Variants in GALNTL6 observed in about 807,000 individuals in gnomAD.
GALNTL6 encodes the protein polypeptide N-acetylgalactosaminyltransferase like 6.
GALNTL6 carries 46 observed loss-of-function variants against 73.7 expected under a neutral mutation model. The ratio of observed to expected loss-of-function variants is 0.62; its 90% confidence interval spans 0.49 to 0.80. The LOEUF (loss-of-function observed/expected upper bound fraction) is 0.80, where lower values mean the gene tolerates loss of function less well. Ranked by LOEUF, GALNTL6 falls within the 30% of genes least tolerant of loss-of-function variation. The pLI is 0.00. For synonymous variants in GALNTL6, 259 were observed against 263.7 expected, an observed-to-expected ratio of 0.98 and a Z score of 0.17; for missense variants, 604 against 755.0, an observed-to-expected ratio of 0.80 and a Z score of 2.34.
rs764141127 is a variant in GALNTL6, at chr4:172,229,586, C to T, written c.139-70C>T. 1.2e-5 allele frequency: 10 copies of T among 841,134 alleles called. 1 individual carries two copies. Among genetic ancestry groups the T allele is most frequent in the South Asian group, 3.0e-5 (2 of 66,176 alleles). 52.1% of individuals were successfully genotyped at this position (841,134 alleles called of 1,614,324 possible). On this transcript the variant is annotated intron_variant, in intron 2 of 12. Coordinates refer to ENST00000506823, the MANE Select transcript of GALNTL6 (RefSeq NM_001034845.3). ...ATTCTTTGATTGCCTATTATGTGCC[C>T]GGCTGTGTTTACCTACCATGCAAAA...
chr4:172,091,176 A>C (rs1278611070), intron 2 of GALNTL6, among the ~76,000 whole-genome samples: 1 of 152,162 alleles, frequency 6.6e-6, no homozygotes, highest in Non-Finnish European at 1.5e-5. Flanking sequence ...ATTATTAATA[A>C]GACAAATTTA....
chr4:172,416,966 G>T (rs1226155544), intron 5 of GALNTL6, among the ~76,000 whole-genome samples: 2 of 152,002 alleles, frequency 1.3e-5, no homozygotes, highest in Non-Finnish European at 2.9e-5. Flanking sequence ...TCAGTCCATG[G>T]TTTATAAGCT....
intron 5 of GALNTL6, among the ~76,000 whole-genome samples, chr4:172,703,624 C>T (rs925532776): frequency 6.6e-6 from 1 of 151,874 alleles, no homozygotes; most frequent in Non-Finnish European, 1.5e-5. Context: ...TTGCATCTAT[C>T]TTTATCAGGG....
At chr4:172,558,217 T>C (rs1378831233) in intron 5 of GALNTL6, among the ~76,000 whole-genome samples, 1 of 152,070 alleles carries the variant, frequency 6.6e-6, no homozygotes, top group African/African-American at 2.4e-5. Flanking sequence ...TGGGCAAGTG[T>C]GAAAAATGAC....
intron 8 of GALNTL6, among the ~76,000 whole-genome samples, chr4:172,910,287 T>G (rs1030779535): frequency 6.6e-6 from 1 of 152,224 alleles, no homozygotes; most frequent in African/African-American, 2.4e-5. Context: ...CTCTACCTTA[T>G]GAAATTGAGT....
At chr4:172,752,190 A>G (rs1175858582) in intron 5 of GALNTL6, among the ~76,000 whole-genome samples, 2 of 152,116 alleles carry the variant, frequency 1.3e-5, no homozygotes, top group African/African-American at 4.8e-5. Context: ...AAAAAGTAAT[A>G]TATATTAATT....
chr4:172,891,849 A>G (rs187907445), intron 8 of GALNTL6, among the ~76,000 whole-genome samples: 2 of 151,288 alleles, frequency 1.3e-5, no homozygotes, highest in African/African-American at 4.9e-5. Context: ...ATTCTTTTTT[A>G]TTTTTGTCTG....
intron 2 of GALNTL6, among the ~76,000 whole-genome samples, chr4:172,225,662 G>A (rs76197378): frequency 7.2e-5 from 11 of 152,140 alleles, no homozygotes; most frequent in East Asian, 1.9e-4. Flanking sequence ...TGGCTGAGGC[G>A]TGAGAATTGC....
At chr4:171,959,696 A>G (rs1739164137) in intron 2 of GALNTL6, among the ~76,000 whole-genome samples, 1 of 152,120 alleles carries the variant, frequency 6.6e-6, no homozygotes, top group Non-Finnish European at 1.5e-5. Flanking sequence ...AGAAAGAGAA[A>G]TCTGTTTATG....
intron 5 of GALNTL6, among the ~76,000 whole-genome samples, chr4:172,735,790 T>G (rs2111402658): frequency 6.6e-6 from 1 of 152,250 alleles, no homozygotes; most frequent in South Asian, 2.1e-4. Context: ...TATTTCAACA[T>G]AGGTACTTTT....
intron 2 of GALNTL6, among the ~76,000 whole-genome samples, chr4:172,155,512 A>T (rs1734227665): frequency 6.6e-6 from 1 of 152,242 alleles, no homozygotes; most frequent in Admixed American, 6.5e-5. Flanking sequence ...TTGTTATAGT[A>T]ACTTGAAAAG....
At chr4:171,960,695 A>G (rs1383479505) in intron 2 of GALNTL6, among the ~76,000 whole-genome samples, 2 of 95,316 alleles carry the variant, frequency 2.1e-5, no homozygotes, top group Admixed American at 1.0e-4. Context: ...ATTTAAAAAA[A>G]AAAAAAAAAA....
chr4:172,726,823 C>G (rs1230314769), intron 5 of GALNTL6, among the ~76,000 whole-genome samples: 1 of 152,112 alleles, frequency 6.6e-6, no homozygotes, highest in Non-Finnish European at 1.5e-5. Context: ...ATGTTTCTTA[C>G]CTGGTGTATG....
At chr4:172,950,785 A>G (rs1190963984) in intron 9 of GALNTL6, among the ~76,000 whole-genome samples, 1 of 152,176 alleles carries the variant, frequency 6.6e-6, no homozygotes, top group East Asian at 1.9e-4. Flanking sequence ...GTTCCTGACC[A>G]TTGCAGTCAT....
chr4:172,097,817 T>G (rs1732398904), intron 2 of GALNTL6, among the ~76,000 whole-genome samples: 1 of 152,180 alleles, frequency 6.6e-6, no homozygotes, highest in Non-Finnish European at 1.5e-5. Context: ...GTTACCAGCC[T>G]GCTCCTAGTC....
intron 2 of GALNTL6, among the ~76,000 whole-genome samples, chr4:172,165,349 T>C (rs978885550): frequency 1.3e-5 from 2 of 152,154 alleles, no homozygotes; most frequent in African/African-American, 4.8e-5. Flanking sequence ...TAATTGTCCG[T>C]TGCCACACAG....
intron 2 of GALNTL6, among the ~76,000 whole-genome samples, chr4:171,952,355 A>G (rs1738910254): frequency 1.3e-5 from 2 of 152,046 alleles, no homozygotes; most frequent in Admixed American, 6.5e-5. Flanking sequence ...CTAAATATTC[A>G]AGCAACAAGT....
intron 10 of GALNTL6, among the ~76,000 whole-genome samples, chr4:173,002,010 C>T (rs1752063885): frequency 6.6e-6 from 1 of 152,162 alleles, no homozygotes; most frequent in African/African-American, 2.4e-5. Context: ...AATTTCATTC[C>T]TAGGTGTATG....
intron 2 of GALNTL6, among the ~76,000 whole-genome samples, chr4:172,045,500 G>T (rs1208217196): frequency 6.6e-6 from 1 of 151,636 alleles, no homozygotes; most frequent in African/African-American, 2.4e-5. Flanking sequence ...TTTTTAAAGG[G>T]TCAAATGCCT....
Sources: gnomAD v4.1 joint callset for allele counts (sites outside exome capture counted in the v4.1 genomes callset) on GRCh38, gnomAD v4.1.1 for gene constraint, MANE v1.5 for transcripts, NCBI Gene and HGNC (gene_info 2026-07-23, HGNC 2026-07-21) for gene names.